The following TRDMT1 variants were observed in gnomAD, a reference collection of about 807,000 sequenced individuals.
TRDMT1 encodes tRNA (cytosine(38)-C(5))-methyltransferase.
A neutral mutation model predicts 51.2 loss-of-function variants in TRDMT1; 49 were observed. The ratio of observed to expected loss-of-function variants is 0.96; its 90% CI spans 0.76 to 1.21. TRDMT1 has a LOEUF of 1.21. TRDMT1 is among the 50% of genes most tolerant of loss of function. The pLI is 0.00. For missense variants in TRDMT1, 534 were observed against 462.3 expected (o/e 1.16, Z -1.42); for synonymous variants, 187 against 164.6 (o/e 1.14, Z -1.04).
intron 8 of TRDMT1, 32 bp from the exon 9 acceptor site, chr10:17,154,766 C>G (rs376914274): frequency 1.3e-6 from 2 of 1,571,600 alleles, no homozygotes; most frequent in Non-Finnish European, 1.7e-6. Context: ...TATGCAGCAC[C>G]TGATGTATGT....
At position 17,137,918 on chromosome 10, in the gene TRDMT1, C is replaced by G. The variant is rs1380507549; in HGVS notation, c.*11122G>C. Among the ~76,000 whole-genome samples the G allele has an allele frequency of 6.6e-6, 1 of 151,782 alleles. No individual in the cohort carries two copies. Among genetic ancestry groups the G allele is most frequent in the African/African-American group, 2.4e-5 (1 of 41,312 alleles). ...GGCTGGGTAAAGGAAGAGACATCGACAGAAGGCCTTAAGTGGCAGGTTAAA... is the reference window on the plus strand; with the variant it reads ...GGCTGGGTAAAGGAAGAGACATCGAGAGAAGGCCTTAAGTGGCAGGTTAAA... On this transcript the variant is annotated 3_prime_UTR_variant, in exon 11 of 11. Transcript: ENST00000377799.
rs1323803214 is a variant in TRDMT1 at position 17,145,465 on chromosome 10, T to C, written c.*3575A>G. The C allele has an allele frequency of 9.1e-6, 9 of 985,262 alleles. No homozygotes were observed. In the South Asian group the frequency reaches 3.3e-4, roughly 36 times the overall value. The allele number at this position is 985,262 out of a possible 1,614,324, so 61.0% of individuals were successfully genotyped here. On this transcript the variant is annotated 3_prime_UTR_variant, in exon 11 of 11. Coordinates refer to ENST00000377799, the MANE Select transcript of TRDMT1 (RefSeq NM_004412.7). ...AAAGGCCATGTCTTTAAAAATTATATAATCTCAATGCAATCACAGGCTACA... is the reference window on the plus strand; with the variant it reads ...AAAGGCCATGTCTTTAAAAATTATACAATCTCAATGCAATCACAGGCTACA...
Position 17,147,724 on chromosome 10 carries a change from C to T in TRDMT1, c.*1316G>A, listed in dbSNP as rs1018055159. On this transcript the variant is annotated 3_prime_UTR_variant, in exon 11 of 11. Coordinates refer to ENST00000377799, the MANE Select transcript of TRDMT1 (RefSeq NM_004412.7). ...CCATTCATGGGTGAATGGGATGACA[C>T]TTGGGCTGCTTCTACCTTTTGGCTA... 5.8e-5 allele frequency: 9 copies of T among 154,214 alleles called. No homozygotes were observed. The highest frequency in any genetic ancestry group is 1.9e-4 in the African/African-American group (8 of 41,510). The allele number at this position is 154,214 out of a possible 1,614,324, so 9.6% of individuals were successfully genotyped here. A position where few individuals can be genotyped will look rare whatever the true frequency, so the allele number is the denominator to read the frequency against.
rs1269708097 is a variant in TRDMT1, at chr10:17,168,278, G to A, written c.251+563C>T. Among the ~76,000 whole-genome samples, 12 of 152,132 alleles carry A rather than the reference G, an allele frequency of 7.9e-5. No homozygotes were observed. The East Asian group carries it at 2.3e-3, about 29-fold the overall frequency. The stretch of plus-strand genomic sequence containing the variant: ...TGATCATGCCACTGCACTGCAGCCT[G>A]GGTGACAGAGCAAGACCCTGTCCCA... On this transcript the variant is annotated intron_variant, in intron 3 of 10. Coordinates refer to ENST00000377799, the MANE Select transcript of TRDMT1 (RefSeq NM_004412.7).
chr10:17,151,922 C>A (rs893387568), intron 10 of TRDMT1: 2 of 1,148,786 alleles, frequency 1.7e-6, no homozygotes, highest in East Asian at 6.1e-5. Context: ...TAAGGTGGGG[C>A]TGGGATATGA....
chr10:17,162,616 G>A (rs901961157), intron 3 of TRDMT1, among the ~76,000 whole-genome samples: 2 of 152,050 alleles, frequency 1.3e-5, no homozygotes, highest in Non-Finnish European at 2.9e-5. Context: ...GCTGAGGTGG[G>A]CAGAACACTT....
Position 17,166,967 on chromosome 10 carries a change from C to G in TRDMT1, c.251+1874G>C, listed in dbSNP as rs118053857. On this transcript the variant is annotated intron_variant, in intron 3 of 10. Coordinates refer to ENST00000377799, the MANE Select transcript of TRDMT1 (RefSeq NM_004412.7). ...TATACTCCTAATCTACCTCCAGACA[C>G]AGTTCAGACATCACCTCTGAAAGAA... 2.3e-3 allele frequency among the ~76,000 whole-genome samples: 355 copies of G among 152,332 alleles called. 1 individual carries two copies. The highest frequency in any genetic ancestry group is 3.5e-3 in the Non-Finnish European group (241 of 68,032).
intron 10 of TRDMT1, chr10:17,152,129 G>C (rs952640475): frequency 2.5e-5 from 32 of 1,269,824 alleles, no homozygotes; most frequent in Non-Finnish European, 3.1e-5. Context: ...ATAGTAGCTA[G>C]GAAAGCAGAC....
chr10:17,159,526 A>G (rs1840015093), intron 6 of TRDMT1, among the ~76,000 whole-genome samples: 1 of 152,168 alleles, frequency 6.6e-6, no homozygotes, highest in African/African-American at 2.4e-5. Flanking sequence ...TTTTACATTC[A>G]TTATTGATAA....
intron 2 of TRDMT1, 124 bp downstream of exon 2, chr10:17,174,427 C>T: frequency 1.6e-6 from 1 of 619,492 alleles, no homozygotes; most frequent in Non-Finnish European, 2.7e-6. Context: ...ATCTCCTTCT[C>T]CTGAACTCTT....
In TRDMT1 at chr10:17,199,741, A is replaced by G. The variant is rs576022923; in HGVS notation, c.64+1830T>C. The stretch of plus-strand genomic sequence containing the variant: ...GATCATGCTGCCTGCTAGAAGGAAA[A>G]CGGAGTAGGGAGGCAGAATGGAAGT... On this transcript the variant is annotated intron_variant, in intron 1 of 10. Coordinates refer to ENST00000377799, the MANE Select transcript of TRDMT1 (RefSeq NM_004412.7). Among the ~76,000 whole-genome samples the G allele has an allele frequency of 1.5e-3, 229 of 152,306 alleles. 2 individuals are homozygous for G. The highest frequency in any genetic ancestry group is 2.0e-3 in the Non-Finnish European group (134 of 68,016).
In TRDMT1 at chr10:17,179,881, T is replaced by G. The variant is rs571633607; in HGVS notation, c.65-5221A>C. Among the ~76,000 whole-genome samples, 6 of 152,088 alleles carry G rather than the reference T, an allele frequency of 3.9e-5. No individual in the cohort carries two copies. The East Asian group carries it at 1.2e-3, about 29-fold the overall frequency. On this transcript the variant is annotated intron_variant, in intron 1 of 10. Coordinates refer to ENST00000377799, the MANE Select transcript of TRDMT1 (RefSeq NM_004412.7). The stretch of plus-strand genomic sequence containing the variant: ...GAATGAAAGAGAGAAATCGGAGGTA[T>G]TGGGGAAAGGATTTTTTTAACACAG...
intron 2 of TRDMT1, chr10:17,169,561 C>T: frequency 7.8e-7 from 1 of 1,284,110 alleles, no homozygotes; most frequent in African/African-American, 1.5e-5. Context: ...AAGACAAACA[C>T]AGGGAAGCAC....
chr10:17,172,156 A>C (rs1282892393), intron 2 of TRDMT1: 1 of 161,482 alleles, frequency 6.2e-6, no homozygotes, highest in Non-Finnish European at 1.5e-5. Flanking sequence ...AAAAACATAC[A>C]GAGCACATCA....
At chr10:17,199,870 C>T (rs986027083) in intron 1 of TRDMT1, among the ~76,000 whole-genome samples, 9 of 152,196 alleles carry the variant, frequency 5.9e-5, no homozygotes, top group African/African-American at 2.2e-4. Flanking sequence ...TACAAATTCA[C>T]ATTGCATTGG....
chr10:17,182,388 TAA>T (rs1843381435), intron 1 of TRDMT1, among the ~76,000 whole-genome samples: 1 of 152,222 alleles, frequency 6.6e-6, no homozygotes, highest in Non-Finnish European at 1.5e-5. Context: ...CAGTCTGAGC[TAA>T]GTTTCTGTCA....
intron 8 of TRDMT1, among the ~76,000 whole-genome samples, chr10:17,157,169 C>T (rs1197918355): frequency 6.6e-6 from 1 of 152,118 alleles, no homozygotes; most frequent in Non-Finnish European, 1.5e-5. Context: ...AACCATGTCT[C>T]CACTACGGGT....
intron 9 of TRDMT1, among the ~76,000 whole-genome samples, chr10:17,154,155 G>C (rs1839174359): frequency 6.6e-6 from 1 of 152,018 alleles, no homozygotes; most frequent in African/African-American, 2.4e-5. Flanking sequence ...TTAAAAGTTT[G>C]AATCAGTATA....
intron 1 of TRDMT1, among the ~76,000 whole-genome samples, chr10:17,184,339 G>C (rs943684766): frequency 1.3e-5 from 2 of 151,798 alleles, no homozygotes; most frequent in African/African-American, 4.8e-5. Context: ...AAAAGTCAAT[G>C]AAAAAATGAG....
Sources: gnomAD v4.1 joint callset for allele counts (sites outside exome capture counted in the v4.1 genomes callset) on GRCh38, gnomAD v4.1.1 for gene constraint, MANE v1.5 for transcripts, NCBI Gene and HGNC (gene_info 2026-07-23, HGNC 2026-07-21) for gene names.